Variants in DGKI observed in about 807,000 individuals in gnomAD.
DGKI encodes DAG kinase iota.
Under a neutral mutation model 147.5 loss-of-function variants are expected in DGKI, and 55 were observed. The ratio of observed to expected loss-of-function variants is 0.37; its 90% CI spans 0.30 to 0.47. The LOEUF (loss-of-function observed/expected upper bound fraction) is 0.47. Among genes scored for constraint, DGKI ranks in the 20% least tolerant of loss-of-function variants. The pLI is 1.00. For synonymous variants in DGKI, 469 were observed against 477.1 expected (o/e 0.98, Z 0.22); for missense variants, 1,007 against 1,323.8 (o/e 0.76, Z 3.71).
intron 6 of DGKI, 94 bp downstream of exon 6, chr7:137,645,378 G>T: frequency 3.8e-6 from 4 of 1,041,566 alleles, no homozygotes; most frequent in Non-Finnish European, 4.2e-6. Flanking sequence ...CTGATGCAGT[G>T]AACACTGGAT....
In DGKI at chr7:137,623,489, C is replaced by T. The variant is rs748136826; in HGVS notation, c.870G>A (p.Lys290=). Residue 290 remains lysine (K), a synonymous_variant, in exon 7 of 33, where the codon AAG becomes AAA. Transcript: ENST00000614521. ...EIVAISCSWC[K]QAFHNKVTCF... ...TATTTCATCCCAATCTTACCGCCTG[C>T]TTGCACCAGGAACAGCTGATAGCCA... The T allele has an allele frequency of 5.0e-6, 8 of 1,613,806 alleles. No homozygotes were observed. The highest frequency in any genetic ancestry group is 6.8e-6 in the Non-Finnish European group (8 of 1,179,748).
intron 1 of DGKI, among the ~76,000 whole-genome samples, chr7:137,733,764 T>A (rs1228061946): frequency 6.6e-6 from 1 of 151,630 alleles, no homozygotes; most frequent in Non-Finnish European, 1.5e-5. Context: ...GATATTAGAG[T>A]GAAAAAAGAG....
chr7:137,733,299 T>C (rs535701606), intron 1 of DGKI, among the ~76,000 whole-genome samples: 1 of 152,042 alleles, frequency 6.6e-6, no homozygotes, highest in South Asian at 2.1e-4. Context: ...TCTCTATGTA[T>C]TTGATGACTG....
chr7:137,674,777 C>T (rs150576603), intron 3 of DGKI, among the ~76,000 whole-genome samples: 3 of 152,282 alleles, frequency 2.0e-5, no homozygotes, highest in Non-Finnish European at 4.4e-5. Flanking sequence ...GTAAATCTTA[C>T]CCATCTTTCA....
intron 1 of DGKI, among the ~76,000 whole-genome samples, chr7:137,705,268 A>T (rs908417247): frequency 6.6e-6 from 1 of 152,082 alleles, no homozygotes; most frequent in Non-Finnish European, 1.5e-5. Flanking sequence ...AATTATATAT[A>T]AATATTCATA....
intron 20 of DGKI, among the ~76,000 whole-genome samples, chr7:137,541,551 G>A (rs1817704748): frequency 6.6e-6 from 1 of 152,108 alleles, no homozygotes; most frequent in Non-Finnish European, 1.5e-5. Flanking sequence ...TGAGCATCTA[G>A]AATCTAAGAA....
At chr7:137,523,993 T>C (rs1377941980) in intron 20 of DGKI, among the ~76,000 whole-genome samples, 5 of 151,540 alleles carry the variant, frequency 3.3e-5, no homozygotes, top group African/African-American at 1.2e-4. Flanking sequence ...CTCTTGTCAA[T>C]GGATAAATAC....
At chr7:137,716,752 C>A (rs376337430) in intron 1 of DGKI, among the ~76,000 whole-genome samples, 1 of 152,196 alleles carries the variant, frequency 6.6e-6, no homozygotes, top group Non-Finnish European at 1.5e-5. Flanking sequence ...TCCCCAAGAT[C>A]AAGGTAGGCA....
At chr7:137,555,078 G>C (rs987654251) in intron 19 of DGKI, among the ~76,000 whole-genome samples, 1 of 150,890 alleles carries the variant, frequency 6.6e-6, no homozygotes, top group Non-Finnish European at 1.5e-5. Context: ...CACCACACCC[G>C]GCTAATTTTT....
intron 19 of DGKI, among the ~76,000 whole-genome samples, chr7:137,559,238 A>G (rs1367715580): frequency 6.7e-6 from 1 of 150,072 alleles, no homozygotes; most frequent in East Asian, 2.0e-4. Flanking sequence ...CGCCCGGCTA[A>G]TTTTTTGTAT....
At chr7:137,716,938 A>G (rs187450641) in intron 1 of DGKI, among the ~76,000 whole-genome samples, 1 of 152,206 alleles carries the variant, frequency 6.6e-6, no homozygotes, top group African/African-American at 2.4e-5. Flanking sequence ...AGAACTTGAT[A>G]TCAACATCCT....
chr7:137,570,464 C>A (rs1818754084), intron 19 of DGKI, among the ~76,000 whole-genome samples: 2 of 152,150 alleles, frequency 1.3e-5, no homozygotes, highest in Admixed American at 1.3e-4. Context: ...TCATTTTACT[C>A]ATAAGTAAGA....
intron 28 of DGKI, among the ~76,000 whole-genome samples, chr7:137,437,322 A>G (rs1411428844): frequency 2.0e-5 from 3 of 152,238 alleles, no homozygotes; most frequent in Non-Finnish European, 2.9e-5. Flanking sequence ...AAGAAACAAG[A>G]TTTTAAAATT....
chr7:137,623,374 T>A (rs916218134), intron 7 of DGKI, 109 bp downstream of exon 7: 2 of 1,006,652 alleles, frequency 2.0e-6, no homozygotes, highest in Non-Finnish European at 3.1e-6. Context: ...AGAAAAGCAA[T>A]ACATTAAATT....
At chr7:137,400,844 A>G (rs549712988) in intron 30 of DGKI, among the ~76,000 whole-genome samples, 42 of 152,362 alleles carry the variant, frequency 2.8e-4, no homozygotes, top group Admixed American at 5.2e-4. Flanking sequence ...ATCAACATAG[A>G]TAATCACAAA....
chr7:137,427,046 G>C (rs1196373006), intron 28 of DGKI, among the ~76,000 whole-genome samples: 1 of 151,006 alleles, frequency 6.6e-6, no homozygotes, highest in Admixed American at 6.6e-5. Context: ...TGCACCAAGT[G>C]GACCTAATAG....
At chr7:137,676,883 G>A (rs566624172) in intron 3 of DGKI, among the ~76,000 whole-genome samples, 1 of 152,282 alleles carries the variant, frequency 6.6e-6, no homozygotes, top group East Asian at 1.9e-4. Context: ...CCCCTAAAAA[G>A]TAACAGAAAG....
At chr7:137,712,530 C>A (rs1794246628) in intron 1 of DGKI, among the ~76,000 whole-genome samples, 1 of 152,174 alleles carries the variant, frequency 6.6e-6, no homozygotes, top group Non-Finnish European at 1.5e-5. Context: ...TAAGCCTTTA[C>A]ACAGTCAAAT....
chr7:137,527,716 G>T (rs834089), intron 20 of DGKI, among the ~76,000 whole-genome samples: 4,091 of 152,106 alleles, frequency 0.027, 173 homozygotes, highest in East Asian at 0.11. Context: ...TACTCATATA[G>T]AGTTGTTTTT....
Sources: allele counts gnomAD v4.1 joint callset (sites outside exome capture counted in the v4.1 genomes callset), GRCh38; gene constraint gnomAD v4.1.1; transcripts MANE v1.5; gene names NCBI Gene and HGNC (gene_info 2026-07-23, HGNC 2026-07-21).